Variants in PPP2R2C observed in about 807,000 individuals in gnomAD.
PPP2R2C encodes protein phosphatase 2 regulatory subunit Bgamma.
PPP2R2C carries 10 observed loss-of-function variants against 45.3 expected under a neutral mutation model. The observed-to-expected ratio is 0.22, with a 90% CI of 0.14 to 0.37. PPP2R2C has a LOEUF of 0.37. Ranked by LOEUF, PPP2R2C falls within the 10% of genes least tolerant of loss-of-function variation. The probability of loss-of-function intolerance (pLI) is 1.00; values close to 1 mark genes in which losing one functional copy is unlikely to be tolerated. For missense variants in PPP2R2C, 308 were observed against 619.7 expected (o/e 0.50, Z 5.34); for synonymous variants, 257 against 245.4 (o/e 1.05, Z -0.44).
chr4:6,435,635 C>T (rs551429744), intron 1 of PPP2R2C, among the ~76,000 whole-genome samples: 29 of 152,304 alleles, frequency 1.9e-4, no homozygotes, highest in Admixed American at 1.6e-3. Context: ...ATACAAGATT[C>T]GTGCACCAGA....
chr4:6,454,114 C>A (rs1351117524), intron 1 of PPP2R2C, among the ~76,000 whole-genome samples: 1 of 152,134 alleles, frequency 6.6e-6, no homozygotes, highest in Non-Finnish European at 1.5e-5. Context: ...TTCAGGGGGA[C>A]AAGAGGGTGT....
At position 6,441,203 on chromosome 4, in the gene PPP2R2C, CA is replaced by C. The variant is rs1720134129; in HGVS notation, c.70+30956del. Reference sequence around the variant, plus strand: ...GTGCAGGCTCTGGAAAAAAGCACCTCAGGGCCCTCATGCATGAAAACACTAA... The same window carrying C: ...GTGCAGGCTCTGGAAAAAAGCACCTCGGGCCCTCATGCATGAAAACACTAA... On this transcript the variant is annotated intron_variant, in intron 1 of 8. Coordinates refer to ENST00000382599, the MANE Select transcript of PPP2R2C (RefSeq NM_020416.4). 2.0e-5 allele frequency among the ~76,000 whole-genome samples: 3 copies of C among 152,204 alleles called. No individual in the cohort carries two copies. In the South Asian group the frequency reaches 6.2e-4, roughly 32 times the overall value.
intron 1 of PPP2R2C, among the ~76,000 whole-genome samples, chr4:6,412,686 A>G (rs984373896): frequency 6.6e-6 from 1 of 152,202 alleles, no homozygotes; most frequent in Non-Finnish European, 1.5e-5. Flanking sequence ...AGGCTGATTG[A>G]GGACGGTCAC....
chr4:6,466,709 TC>T (rs1230262644), intron 1 of PPP2R2C, among the ~76,000 whole-genome samples: 3 of 152,100 alleles, frequency 2.0e-5, no homozygotes, highest in South Asian at 2.1e-4. Context: ...TTACCAAACA[TC>T]CCTTAGCTCT....
chr4:6,449,139 G>T (rs1385432118), intron 1 of PPP2R2C, among the ~76,000 whole-genome samples: 1 of 152,130 alleles, frequency 6.6e-6, no homozygotes, highest in Non-Finnish European at 1.5e-5. Context: ...CACGTAGAAG[G>T]CCCCATCCTC....
At position 6,417,128 on chromosome 4, in the gene PPP2R2C, C is replaced by T. The variant is rs952648605; in HGVS notation, c.71-36034G>A. ...AGTGAGGTTCCGTGTCTCTCTTTGC[C>T]GCCCCTTTTGGCTTATGCTCCACGG... On this transcript the variant is annotated intron_variant, in intron 1 of 8. Coordinates refer to ENST00000382599, the MANE Select transcript of PPP2R2C (RefSeq NM_020416.4). Among the ~76,000 whole-genome samples the T allele has an allele frequency of 8.5e-5, 13 of 152,172 alleles. 1 individual carries two copies. In the South Asian group the frequency reaches 1.9e-3, roughly 22 times the overall value.
At position 6,364,987 on chromosome 4, in the gene PPP2R2C, C is replaced by T. The variant is rs1218327056; in HGVS notation, c.625+7536G>A. On this transcript the variant is annotated intron_variant, in intron 5 of 8. Transcript: ENST00000382599. This position sits in a 1 kb window ranked among gnomAD's most constrained non-coding sequence, Gnocchi z 5.3. ...AGGATCCCCATTCACTCAGAAAGTG[C>T]CTTTGTGCCAATTATGAAAAGACAG... is the stretch of plus-strand genomic sequence containing the variant. Among the ~76,000 whole-genome samples, 3 of 152,188 alleles carry T rather than the reference C, an allele frequency of 2.0e-5. No homozygotes were observed. Among genetic ancestry groups the T allele is most frequent in the Admixed American group, 6.5e-5 (1 of 15,282 alleles).
intron 5 of PPP2R2C, among the ~76,000 whole-genome samples, chr4:6,370,608 C>T (rs1714729920): frequency 1.3e-5 from 2 of 152,170 alleles, no homozygotes; most frequent in Admixed American, 6.5e-5. Context: ...TTCTCCTGGA[C>T]TTTATTCTGG....
At position 6,382,497 on chromosome 4, in the gene PPP2R2C, C is replaced by T. The variant is rs1210885467; in HGVS notation, c.71-1403G>A. On this transcript the variant is annotated intron_variant, in intron 1 of 8. Coordinates refer to ENST00000382599, the MANE Select transcript of PPP2R2C (RefSeq NM_020416.4). The stretch of plus-strand genomic sequence containing the variant: ...CATCCCTGTGTCCCTCTATTCAAAA[C>T]CCTTCATTGGTCACCATAACTGAAT... 3.0e-6 allele frequency: 4 copies of T among 1,352,074 alleles called. No individual in the cohort carries two copies. The Admixed American group carries it at 7.6e-5, about 26-fold the overall frequency. 83.8% of individuals were successfully genotyped at this position (1,352,074 alleles called of 1,614,324 possible).
At chr4:6,349,561 T>A in intron 5 of PPP2R2C, 3 of 985,378 alleles carry the variant, frequency 3.0e-6, no homozygotes, top group South Asian at 9.4e-5. Context: ...CTGCTGCCTC[T>A]CTCAGTAAGA....
At chr4:6,415,150 G>C (rs1465114971) in intron 1 of PPP2R2C, among the ~76,000 whole-genome samples, 1 of 152,224 alleles carries the variant, frequency 6.6e-6, no homozygotes, top group Non-Finnish European at 1.5e-5. Context: ...TGGAGGACCT[G>C]CCAGGGCCTT....
intron 1 of PPP2R2C, among the ~76,000 whole-genome samples, chr4:6,405,378 A>G (rs1717726234): frequency 6.6e-6 from 1 of 152,164 alleles, no homozygotes; most frequent in South Asian, 2.1e-4. Flanking sequence ...CAGGCATTCA[A>G]CTGTGGCTTG....
intron 4 of PPP2R2C, among the ~76,000 whole-genome samples, chr4:6,375,320 GTGTCTGTTTCAGGGTA>G (rs1715212637): frequency 1.3e-5 from 2 of 152,204 alleles, no homozygotes; most frequent in South Asian, 4.1e-4. Context: ...GGGCACGTGT[GTGTCTGTTTCAGGGTA>G]TGTCTGTTTC....
chr4:6,376,317 G>A (rs1715297383), intron 3 of PPP2R2C, among the ~76,000 whole-genome samples: 1 of 152,180 alleles, frequency 6.6e-6, no homozygotes, highest in Admixed American at 6.5e-5. Flanking sequence ...CATCTGAAAG[G>A]TACCCAAGGC....
At chr4:6,546,143 C>A (rs1313433546) in intron 1 of PPP2R2C, among the ~76,000 whole-genome samples, 1 of 152,190 alleles carries the variant, frequency 6.6e-6, no homozygotes, top group Non-Finnish European at 1.5e-5. Flanking sequence ...GCTTTGGAGA[C>A]ATATCCATGG....
chr4:6,400,045 T>G (rs561698201), intron 1 of PPP2R2C, among the ~76,000 whole-genome samples: 10 of 152,328 alleles, frequency 6.6e-5, no homozygotes, highest in Admixed American at 5.2e-4. Flanking sequence ...GGGGTTGAAA[T>G]GTTTTCTCTT....
chr4:6,333,422 C>T lies in PPP2R2C; in HGVS notation c.960+140G>A, dbSNP rs143361494. 338 of 983,396 alleles carry T rather than the reference C, an allele frequency of 3.4e-4. 2 individuals are homozygous for T. The African/African-American group carries it at 5.1e-3, about 15-fold the overall frequency. 60.9% of individuals were successfully genotyped at this position (983,396 alleles called of 1,614,324 possible). A position where few individuals can be genotyped will look rare whatever the true frequency, so the allele number is the denominator to read the frequency against. On this transcript the variant is annotated intron_variant, in intron 7 of 8. Transcript: ENST00000382599. ...CCAAGCTACGTGTGGGGATGAGTTGCTGGATTTCTTCAGCCTCCGTGTCTT... is the reference window on the plus strand; with the variant it reads ...CCAAGCTACGTGTGGGGATGAGTTGTTGGATTTCTTCAGCCTCCGTGTCTT...
At position 6,375,470 on chromosome 4, in the gene PPP2R2C, G is replaced by C. The variant is rs747275494; in HGVS notation, c.447+349C>G. On this transcript the variant is annotated intron_variant, in intron 4 of 8. Coordinates refer to ENST00000382599, the MANE Select transcript of PPP2R2C (RefSeq NM_020416.4). Reference sequence around the variant, plus strand: ...TCTGCCTCTGCCTACTCACTCAGCTGAGCAGTTTTAGGTGAGTTGCTGTCT... The same window carrying C: ...TCTGCCTCTGCCTACTCACTCAGCTCAGCAGTTTTAGGTGAGTTGCTGTCT... Among the ~76,000 whole-genome samples, 36 of 152,134 alleles carry C rather than the reference G, an allele frequency of 2.4e-4. 1 individual carries two copies. The highest frequency in any genetic ancestry group is 2.1e-4 in the Non-Finnish European group (14 of 68,028).
chr4:6,482,447 A>T (rs1486760181), intron 2 of PPP2R2C, among the ~76,000 whole-genome samples: 1 of 152,184 alleles, frequency 6.6e-6, no homozygotes, highest in Non-Finnish European at 1.5e-5. Flanking sequence ...CTACCTCCGA[A>T]AGGGCTGGTA....
Sources: gnomAD v4.1 joint callset for allele counts (sites outside exome capture counted in the v4.1 genomes callset) on GRCh38, gnomAD v4.1.1 for gene constraint, Gnocchi (gnomAD v3.1) non-coding constraint, MANE v1.5 for transcripts, NCBI Gene and HGNC (gene_info 2026-07-23, HGNC 2026-07-21) for gene names.